The following GJB2 variants were observed in gnomAD, a reference collection of about 807,000 sequenced individuals.
GJB2 encodes gap junction protein beta 2.
GJB2 carries 30 observed loss-of-function variants against 16.0 expected under a neutral mutation model. The observed-to-expected ratio is 1.88, with a 90% CI of 1.41 to 2.55. The LOEUF is 2.55. GJB2 is among the 30% of genes most tolerant of loss of function. GJB2 has a pLI of 0.00. For synonymous variants in GJB2, 123 were observed against 119.1 expected (o/e 1.03, Z -0.21); for missense variants, 284 against 289.7 (o/e 0.98, Z 0.14).
In GJB2 at chr13:20,189,315, G is replaced by C. The variant is rs727503067; in HGVS notation, c.267C>G (p.Leu89=). 36 of 1,613,904 alleles carry C rather than the reference G, an allele frequency of 2.2e-5. No homozygotes were observed. Among genetic ancestry groups the C allele is most frequent in the Non-Finnish European group, 2.9e-5 (34 of 1,180,044 alleles). Residue 89 remains leucine, a synonymous_variant, in exon 2 of 2, where the codon CTC becomes CTG. Transcript: ENST00000382848. Reference sequence around the variant, plus strand: ...GGTAGGCCACGTGCATGGCCACTAGGAGCGCTGGCGTGGACACGAAGATCA... The same window carrying C: ...GGTAGGCCACGTGCATGGCCACTAGCAGCGCTGGCGTGGACACGAAGATCA... ...LQLIFVSTPA[L]LVAMHVAYRR... is the part of the protein sequence containing the mutation.
chr13:20,188,905 A>T lies in GJB2; in HGVS notation c.677T>A (p.Val226Asp), dbSNP rs773846324. The change falls in exon 2 of 2, where the codon GTT (valine) becomes GAT (aspartate). Residue 226 changes from valine (V) to aspartate (D), a missense_variant. Val to Asp is a radical substitution (Grantham distance 152). Transcript: ENST00000382848. The part of the protein sequence containing the change: ...RYCSGKSKKP[V>D] ...ATCTAACAACTGGGCAATGCGTTAAACTGGCTTTTTTGACTTCCCAGAACA... is the reference window on the plus strand; with the variant it reads ...ATCTAACAACTGGGCAATGCGTTAATCTGGCTTTTTTGACTTCCCAGAACA... 1.9e-6 allele frequency: 3 copies of T among 1,612,440 alleles called. No homozygotes were observed. Among genetic ancestry groups the T allele is most frequent in the Non-Finnish European group, 8.5e-7 (1 of 1,179,332 alleles).
rs757029266 is a variant in GJB2 at position 20,189,138 on chromosome 13, G to A, written c.444C>T (p.Ala148=). The change falls in exon 2 of 2, where the codon GCC becomes GCT. Residue 148 remains alanine (A), a synonymous_variant. Coordinates refer to ENST00000382848, the MANE Select transcript of GJB2 (RefSeq NM_004004.6). ...SSIFFRVIFE[A]AFMYVFYVMY... ...TGACATAGAAGACGTACATGAAGGCGGCTTCGAAGATGACCCGGAAGAAGA... is the reference window on the plus strand; with the variant it reads ...TGACATAGAAGACGTACATGAAGGCAGCTTCGAAGATGACCCGGAAGAAGA... 19 of 1,613,974 alleles carry A rather than the reference G, an allele frequency of 1.2e-5. No homozygotes were observed. In the South Asian group the frequency reaches 1.4e-4, roughly 12 times the overall value.
chr13:20,192,465 C>T (rs1868374173), intron 1 of GJB2, among the ~76,000 whole-genome samples: 1 of 152,196 alleles, frequency 6.6e-6, no homozygotes, highest in Admixed American at 6.5e-5. Context: ...TAGAGTACCC[C>T]GAAGGGACAT....
rs770330002 is a variant in GJB2 at position 20,189,068 on chromosome 13, A to T, written c.514T>A (p.Trp172Arg). Residue 172 changes from tryptophan to arginine, a missense_variant, in exon 2 of 2, where the codon TGG becomes AGG. Coordinates refer to ENST00000382848, the MANE Select transcript of GJB2 (RefSeq NM_004004.6). ...SMQRLVKCNA[W>R]PCPNTVDCFV... is the part of the protein sequence containing the mutation. ...CAGTCCACAGTGTTGGGACAAGGCC[A>T]GGCGTTGCACTTCACCAGCCGCTGC... 7 of 1,614,118 alleles carry T rather than the reference A, an allele frequency of 4.3e-6. 1 individual carries two copies. In the South Asian group the frequency reaches 7.7e-5, roughly 18 times the overall value.
chr13:20,189,513 G>C lies in GJB2; in HGVS notation c.69C>G (p.Ile23Met), dbSNP rs1566529011. Residue 23 changes from isoleucine (I) to methionine (M), a missense_variant, in exon 2 of 2, where the codon ATC (isoleucine) becomes ATG (methionine). By Grantham distance (10) the Ile-to-Met change is conservative. Coordinates refer to ENST00000382848, the MANE Select transcript of GJB2 (RefSeq NM_004004.6). ...VNKHSTSIGK[I>M]WLTVLFIFRI... ...GAAAAATGAAGAGGACGGTGAGCCAGATCTTTCCAATGCTGGTGGAGTGTT... is the reference window on the plus strand; with the variant it reads ...GAAAAATGAAGAGGACGGTGAGCCACATCTTTCCAATGCTGGTGGAGTGTT... The C allele has an allele frequency of 6.2e-7, 1 of 1,614,196 alleles. No individual in the cohort carries two copies. The highest frequency in any genetic ancestry group is 1.3e-5 in the African/African-American group (1 of 75,064).
In GJB2 at chr13:20,188,935, C is replaced by T; in HGVS notation, c.647G>A (p.Arg216Lys). 1 of 1,613,576 alleles carries T rather than the reference C, an allele frequency of 6.2e-7. No homozygotes were observed. The highest frequency in any genetic ancestry group is 8.5e-7 in the Non-Finnish European group (1 of 1,179,988). Residue 216 changes from arginine (R) to lysine (K), a missense_variant, in exon 2 of 2, where the codon AGA becomes AAA. Transcript: ENST00000382848. ...CTTTTTTGACTTCCCAGAACAATATCTAATTAGCAAATAACACAATTCAGT... is the reference window on the plus strand; with the variant it reads ...CTTTTTTGACTTCCCAGAACAATATTTAATTAGCAAATAACACAATTCAGT... Reference protein sequence around the residue: ...NVTELCYLLIRYCSGKSKKPV With the variant: ...NVTELCYLLIKYCSGKSKKPV
intron 1 of GJB2, 98 bp downstream of exon 1, chr13:20,192,685 G>C (rs1868382407): frequency 6.6e-6 from 1 of 152,242 alleles, no homozygotes; most frequent in Admixed American, 6.5e-5. Context: ...CAGCCCCCCG[G>C]TTCCCCGAGA....
chr13:20,189,661 C>T (rs1253059846), intron 1 of GJB2, 58 bp from the exon 2 acceptor site: 1 of 1,296,902 alleles, frequency 7.7e-7, no homozygotes, highest in Non-Finnish European at 1.1e-6. Context: ...AACAGGGAGA[C>T]TTCTCTGAGT....
In GJB2 at chr13:20,188,824, G is replaced by A. The variant is rs1959054116; in HGVS notation, c.*77C>T. ...TTTGTGTTGGGAAATGCTAGCGACT[G>A]AGCCTTGACAGCTGAGCACGGGTTG... On this transcript the variant is annotated 3_prime_UTR_variant, in exon 2 of 2. Transcript: ENST00000382848. 8.7e-7 allele frequency: 1 copy of A among 1,151,864 alleles called. No homozygotes were observed. The highest frequency in any genetic ancestry group is 1.7e-5 in the Admixed American group (1 of 59,226). The allele number at this position is 1,151,864 out of a possible 1,614,324, so 71.4% of individuals were successfully genotyped here. A position where few individuals can be genotyped will look rare whatever the true frequency, so the allele number is the denominator to read the frequency against.
chr13:20,191,802 AC>A (rs1959078301), intron 1 of GJB2, among the ~76,000 whole-genome samples: 1 of 152,128 alleles, frequency 6.6e-6, no homozygotes, highest in Non-Finnish European at 1.5e-5. Context: ...GGGACTCTTC[AC>A]CCCTTAAATT....
At chr13:20,191,565 G>T (rs1432580957) in intron 1 of GJB2, among the ~76,000 whole-genome samples, 3 of 152,340 alleles carry the variant, frequency 2.0e-5, no homozygotes, top group African/African-American at 7.2e-5. Context: ...GGGCTAGGGG[G>T]TCATGGGTTA....
At chr13:20,191,704 T>TGGA (rs1269540529) in intron 1 of GJB2, among the ~76,000 whole-genome samples, 1 of 152,192 alleles carries the variant, frequency 6.6e-6, no homozygotes, top group East Asian at 1.9e-4. Context: ...CTGCACCGCC[T>TGGA]GGAGGGCTGC....
chr13:20,190,711 C>T (rs74035965), intron 1 of GJB2, among the ~76,000 whole-genome samples: 11,086 of 152,246 alleles, frequency 0.073, 1,333 homozygotes, highest in African/African-American at 0.25. Flanking sequence ...CCCTGCCTGC[C>T]ACAACCAACG....
rs759905442 is a variant in GJB2 at position 20,189,378 on chromosome 13, G to C, written c.204C>G (p.Tyr68Ter). ...PGCKNVCYDH[Y>*]FPISHIRLWA... The stretch of plus-strand genomic sequence containing the variant: ...ATAGCCGGATGTGGGAGATGGGGAA[G>C]TAGTGATCGTAGCACACGTTCTTGC... The change falls in exon 2 of 2, where the codon TAC becomes TAG. Residue 68 changes from tyrosine (Y) to a stop codon, truncating the protein, a stop_gained. Transcript: ENST00000382848. LOFTEE classifies it high-confidence loss of function. 1.2e-6 allele frequency: 2 copies of C among 1,614,142 alleles called. No individual in the cohort carries two copies. Among genetic ancestry groups the C allele is most frequent in the South Asian group, 2.2e-5 (2 of 91,078 alleles).
In GJB2 at chr13:20,189,249, T is replaced by C; in HGVS notation, c.333A>G (p.Ile111Met). The C allele has an allele frequency of 6.2e-7, 1 of 1,613,684 alleles. No individual in the cohort carries two copies. Among genetic ancestry groups the C allele is most frequent in the Non-Finnish European group, 8.5e-7 (1 of 1,180,034 alleles). Residue 111 changes from isoleucine (I) to methionine (M), a missense_variant, in exon 2 of 2, where the codon ATA (isoleucine) becomes ATG (methionine). Ile to Met is a conservative substitution (Grantham distance 10). Transcript: ENST00000382848. ...CCTCGATGTCCTTAAATTCACTCTT[T>C]ATCTCCCCCTTGATGAACTTCCTCT... ...EKKRKFIKGEIKSEFKDIEEI... is the reference protein window; with the variant it reads ...EKKRKFIKGEMKSEFKDIEEI...
chr13:20,190,155 T>G (rs1959068322), intron 1 of GJB2, among the ~76,000 whole-genome samples: 1 of 152,260 alleles, frequency 6.6e-6, no homozygotes, highest in Non-Finnish European at 1.5e-5. Context: ...GCTGAGCCAC[T>G]TTCCTTAATG....
At position 20,188,652 on chromosome 13, in the gene GJB2, G is replaced by C. The variant is rs901550257; in HGVS notation, c.*249C>G. On this transcript the variant is annotated 3_prime_UTR_variant, in exon 2 of 2. Coordinates refer to ENST00000382848, the MANE Select transcript of GJB2 (RefSeq NM_004004.6). The stretch of plus-strand genomic sequence containing the variant: ...CCCCTAACAGCCTGGGGTCTCAGTG[G>C]AACTAACTTAAGTGAAAGAAAATTA... 3.6e-6 allele frequency: 2 copies of C among 557,646 alleles called. No homozygotes were observed. Among genetic ancestry groups the C allele is most frequent in the Non-Finnish European group, 6.4e-6 (2 of 313,186 alleles). 34.5% of individuals were successfully genotyped at this position (557,646 alleles called of 1,614,324 possible). A position where few individuals can be genotyped will look rare whatever the true frequency, so the allele number is the denominator to read the frequency against.
At position 20,189,282 on chromosome 13, in the gene GJB2, A is replaced by T; in HGVS notation, c.300T>A (p.His100Gln). The change falls in exon 2 of 2, where the codon CAT (histidine) becomes CAA (glutamine). Residue 100 changes from histidine to glutamine, a missense_variant. Physicochemically the swap from His to Gln is conservative, Grantham distance 24. Transcript: ENST00000382848. Reference protein sequence around the residue: ...LVAMHVAYRRHEKKRKFIKGE... With the variant: ...LVAMHVAYRRQEKKRKFIKGE... ...CCTTGATGAACTTCCTCTTCTTCTCATGTCTCCGGTAGGCCACGTGCATGG... is the reference window on the plus strand; with the variant it reads ...CCTTGATGAACTTCCTCTTCTTCTCTTGTCTCCGGTAGGCCACGTGCATGG... 1.9e-6 allele frequency: 3 copies of T among 1,613,722 alleles called. No homozygotes were observed. The highest frequency in any genetic ancestry group is 1.7e-6 in the Non-Finnish European group (2 of 1,180,016).
chr13:20,188,683 G>A lies in GJB2; in HGVS notation c.*218C>T. 1 of 591,968 alleles carries A rather than the reference G, an allele frequency of 1.7e-6. No homozygotes were observed. The highest frequency in any genetic ancestry group is 3.0e-5 in the Admixed American group (1 of 33,464). 36.7% of individuals were successfully genotyped at this position (591,968 alleles called of 1,614,324 possible). A position where few individuals can be genotyped will look rare whatever the true frequency, so the allele number is the denominator to read the frequency against. On this transcript the variant is annotated 3_prime_UTR_variant, in exon 2 of 2. Coordinates refer to ENST00000382848, the MANE Select transcript of GJB2 (RefSeq NM_004004.6). ...ACTTAAGTGAAAGAAAATTAAGACA[G>A]GCATAGAATTAGGCCTTTGTTTTGA...
Sources: gnomAD v4.1 joint callset for allele counts (sites outside exome capture counted in the v4.1 genomes callset) on GRCh38, gnomAD v4.1.1 for gene constraint, MANE v1.5 for transcripts, NCBI Gene and HGNC (gene_info 2026-07-23, HGNC 2026-07-21) for gene names.